USP35: variants seen among roughly 807,000 people sequenced by gnomAD.
USP35 encodes ubiquitin carboxyl-terminal hydrolase 35.
A neutral mutation model predicts 83.8 loss-of-function variants in USP35; 69 were observed. The observed-to-expected ratio is 0.82, with a 90% CI of 0.68 to 1.01. The LOEUF (loss-of-function observed/expected upper bound fraction) is 1.01, where lower values mean the gene tolerates loss of function less well. USP35 is among the 50% of genes least tolerant of loss of function. The probability of loss-of-function intolerance (pLI) is 0.00; values close to 1 mark genes in which losing one functional copy is unlikely to be tolerated. For missense variants in USP35, 1,503 were observed against 1,362.5 expected (o/e 1.10, Z -1.62); for synonymous variants, 714 against 589.5 (o/e 1.21, Z -3.06).
chr11:78,222,537 T>A, the USP35 span, among the ~76,000 whole-genome samples: 1 of 148,224 alleles, frequency 6.7e-6, no homozygotes, highest in South Asian at 2.1e-4. Context: ...ATTTATATAT[T>A]AATATATTAA....
intron 9 of USP35, 37 bp from the exon 10 acceptor site, chr11:78,209,411 G>A (rs2256051): frequency 0.2 from 300,133 of 1,534,268 alleles, 34,344 homozygotes; most frequent in African/African-American, 0.42. Context: ...AAGGGGACCC[G>A]CATGTACATG....
At chr11:78,227,316 G>A in the USP35 span, among the ~76,000 whole-genome samples, 3 of 152,170 alleles carry the variant, frequency 2.0e-5, no homozygotes, top group Non-Finnish European at 2.9e-5. Flanking sequence ...CAGATGGATT[G>A]CCTATTTGTT....
At chr11:78,207,848 C>T (rs925349932) in intron 8 of USP35, among the ~76,000 whole-genome samples, 2 of 152,242 alleles carry the variant, frequency 1.3e-5, no homozygotes, top group African/African-American at 4.8e-5. Flanking sequence ...CCCAATCTTT[C>T]CCTTTGGCAA....
downstream of USP35, chr11:78,216,261 G>C (rs753177638): frequency 2.0e-5 from 3 of 152,298 alleles, no homozygotes; most frequent in Non-Finnish European, 4.4e-5. Flanking sequence ...GGTGAAGAAG[G>C]CTCCTTGGAG....
chr11:78,191,831 C>T (rs1212956278), intron 1 of USP35, among the ~76,000 whole-genome samples: 3 of 151,390 alleles, frequency 2.0e-5, no homozygotes, highest in Admixed American at 6.6e-5. Context: ...CATGACAGCC[C>T]GGCCCTCATC....
In USP35 at chr11:78,208,861, C is replaced by T. The variant is rs1209464333; in HGVS notation, c.1490C>T (p.Pro497Leu). Residue 497 changes from proline (P) to leucine (L), a missense_variant, in exon 9 of 11, where the codon CCT becomes CTT. Coordinates refer to ENST00000529308, the MANE Select transcript of USP35 (RefSeq NM_020798.4). Reference sequence around the variant, plus strand: ...CTTTCGCCTGCCTTGTCCTAGCGGCCTGCCATTTCCCCAGAGAACTTCCTC... The same window carrying T: ...CTTTCGCCTGCCTTGTCCTAGCGGCTTGCCATTTCCCCAGAGAACTTCCTC... The part of the protein sequence containing the change: ...LFGFLEHSQR[P>L]AISPENFLSA... The T allele has an allele frequency of 6.2e-7, 1 of 1,614,218 alleles. No individual in the cohort carries two copies. Among genetic ancestry groups the T allele is most frequent in the South Asian group, 1.1e-5 (1 of 91,088 alleles).
intron 8 of USP35, among the ~76,000 whole-genome samples, chr11:78,208,197 C>T (rs1446497012): frequency 1.3e-5 from 2 of 152,202 alleles, no homozygotes; most frequent in Non-Finnish European, 2.9e-5. Flanking sequence ...TGCTCAGGAC[C>T]TCATCCTCTC....
chr11:78,225,187 G>A, the USP35 span: 2 of 1,609,870 alleles, frequency 1.2e-6, no homozygotes, highest in Non-Finnish European at 1.7e-6. Flanking sequence ...GTACTCGTAG[G>A]TCTCACAGGA....
At chr11:78,219,064 G>A (rs1192144444), downstream of USP35, 3 of 550,004 alleles carry the variant, frequency 5.5e-6, no homozygotes, top group Admixed American at 3.2e-5. Context: ...AATCACAGCT[G>A]GGCCCCGAGT....
chr11:78,200,096 C>T, intron 4 of USP35, 37 bp from the exon 5 acceptor site: 1 of 1,611,286 alleles, frequency 6.2e-7, no homozygotes, highest in Non-Finnish European at 8.5e-7. Context: ...CTCAGCAGCT[C>T]AAGCCTGGGG....
At chr11:78,204,917 A>C (rs1251464698) in intron 6 of USP35, among the ~76,000 whole-genome samples, 1 of 152,230 alleles carries the variant, frequency 6.6e-6, no homozygotes, top group African/African-American at 2.4e-5. Context: ...CACTGGGGAG[A>C]CGAGGGCTTT....
Position 78,208,905 on chromosome 11 carries a change from T to G in USP35, c.1534T>G (p.Trp512Gly). 2 of 1,614,198 alleles carry G rather than the reference T, an allele frequency of 1.2e-6. No individual in the cohort carries two copies. The highest frequency in any genetic ancestry group is 8.5e-7 in the Non-Finnish European group (1 of 1,180,026). ...CTTCCTCTCCGCATCCTGGACGCCCTGGTTCAGCCCTGGCACCCAGCAGGA... is the reference window on the plus strand; with the variant it reads ...CTTCCTCTCCGCATCCTGGACGCCCGGGTTCAGCCCTGGCACCCAGCAGGA... ...ENFLSASWTP[W>G]FSPGTQQDCS... is the part of the protein sequence containing the mutation. Residue 512 changes from tryptophan to glycine, a missense_variant, in exon 9 of 11, where the codon TGG (tryptophan) becomes GGG (glycine). Transcript: ENST00000529308.
chr11:78,205,824 T>C lies in USP35; in HGVS notation c.1198-18T>C. The stretch of plus-strand genomic sequence containing the variant: ...CCTGGTGCCCACCATCCTGCCTGCC[T>C]GCTTATTCCCTCCTCAGGACCTCCA... On this transcript the variant is annotated intron_variant, in intron 6 of 10. Coordinates refer to ENST00000529308, the MANE Select transcript of USP35 (RefSeq NM_020798.4). 1 of 1,595,908 alleles carries C rather than the reference T, an allele frequency of 6.3e-7. No homozygotes were observed.
chr11:78,189,042 C>A lies in USP35; in HGVS notation c.-126C>A. On this transcript the variant is annotated 5_prime_UTR_variant, in exon 1 of 11. Coordinates refer to ENST00000529308, the MANE Select transcript of USP35 (RefSeq NM_020798.4). ...CTTCCGTCTGGGACCTGGCTGAGGG[C>A]GTCCCCACCCTGGGGGGAGCAGAGG... is the stretch of plus-strand genomic sequence containing the variant. 1.2e-6 allele frequency: 1 copy of A among 820,614 alleles called. No homozygotes were observed. The highest frequency in any genetic ancestry group is 1.5e-6 in the Non-Finnish European group (1 of 679,558). 50.8% of individuals were successfully genotyped at this position (820,614 alleles called of 1,614,324 possible). A position where few individuals can be genotyped will look rare whatever the true frequency, so the allele number is the denominator to read the frequency against.
In USP35 at chr11:78,213,628, T is replaced by C; in HGVS notation, c.2890-18T>C. On this transcript the variant is annotated intron_variant, in intron 10 of 10. Transcript: ENST00000529308. ...GTGTGAATTCTAAGTCTAAGTCTCC[T>C]CTCATCTGTGTTCCCAGGAGCAGGA... 6.8e-7 allele frequency: 1 copy of C among 1,467,852 alleles called. No individual in the cohort carries two copies. The highest frequency in any genetic ancestry group is 9.0e-7 in the Non-Finnish European group (1 of 1,114,604). The allele number at this position is 1,467,852 out of a possible 1,614,324, so 90.9% of individuals were successfully genotyped here. A position where few individuals can be genotyped will look rare whatever the true frequency, so the allele number is the denominator to read the frequency against.
At chr11:78,204,112 G>C (rs1233369584) in intron 6 of USP35, among the ~76,000 whole-genome samples, 1 of 151,628 alleles carries the variant, frequency 6.6e-6, no homozygotes, top group Non-Finnish European at 1.5e-5. Context: ...GGATGGTCTC[G>C]ATCTCCTGAC....
At chr11:78,224,800 T>G in the USP35 span, among the ~76,000 whole-genome samples, 1 of 152,060 alleles carries the variant, frequency 6.6e-6, no homozygotes, top group Non-Finnish European at 1.5e-5. Flanking sequence ...GTGGGTAAGG[T>G]TGCTGTCTTA....
Position 78,210,586 on chromosome 11 carries a change from T to A in USP35, c.2731T>A (p.Ser911Thr), listed in dbSNP as rs202221376. ...CTTCGAATCTGTCAGCAACGTCACC[T>A]CCTTCTTCCCTAAGGACACAGCCTA... Reference protein sequence around the residue: ...SSFESVSNVTSFFPKDTAYVL... With the variant: ...SSFESVSNVTTFFPKDTAYVL... Residue 911 changes from serine to threonine, a missense_variant, in exon 10 of 11, where the codon TCC (serine) becomes ACC (threonine). By Grantham distance (58) the Ser-to-Thr change is moderately conservative. Coordinates refer to ENST00000529308, the MANE Select transcript of USP35 (RefSeq NM_020798.4). The A allele has an allele frequency of 2.4e-5, 39 of 1,613,990 alleles. No individual in the cohort carries two copies. In the Admixed American group the frequency reaches 5.8e-4, roughly 24 times the overall value.
At chr11:78,204,953 G>T (rs1233794306) in intron 6 of USP35, among the ~76,000 whole-genome samples, 1 of 152,250 alleles carries the variant, frequency 6.6e-6, no homozygotes, top group Admixed American at 6.5e-5. Flanking sequence ...TTGAAGCTCT[G>T]TGGAGCCCTG....
Sources: allele counts gnomAD v4.1 joint callset (sites outside exome capture counted in the v4.1 genomes callset), GRCh38; gene constraint gnomAD v4.1.1; transcripts MANE v1.5; gene names NCBI Gene and HGNC (gene_info 2026-07-23, HGNC 2026-07-21).